The following BMPR1B variants were observed in gnomAD, a reference collection of about 807,000 sequenced individuals.
BMPR1B encodes bone morphogenetic protein receptor type-1B.
Under a neutral mutation model 59.1 loss-of-function variants are expected in BMPR1B, and 12 were observed. That is an observed-to-expected ratio of 0.20 (90% CI 0.13 to 0.33). The LOEUF is 0.33. Among genes scored for constraint, BMPR1B ranks in the 10% least tolerant of loss-of-function variants. BMPR1B has a pLI of 1.00. For missense variants in BMPR1B, 550 were observed against 610.9 expected (o/e 0.90, Z 1.05); for synonymous variants, 237 against 207.3 (o/e 1.14, Z -1.23).
chr4:94,843,290 A>G (rs6816019), intron 1 of BMPR1B, among the ~76,000 whole-genome samples: 93,330 of 152,040 alleles, frequency 0.61, 29,660 homozygotes, highest in African/African-American at 0.78. Flanking sequence ...GTTTATTATC[A>G]AAACAATTTG....
chr4:95,110,018 T>C (rs1731517585), intron 4 of BMPR1B, among the ~76,000 whole-genome samples: 1 of 151,904 alleles, frequency 6.6e-6, no homozygotes, highest in Non-Finnish European at 1.5e-5. Flanking sequence ...ATAACTCTCC[T>C]CTTGTACCTC....
chr4:95,154,895 G>A lies in BMPR1B; in HGVS notation c.*222G>A. On this transcript the variant is annotated 3_prime_UTR_variant, in exon 13 of 13. Transcript: ENST00000515059. ...TGTCTGTTTGTAGGACGGAGAAACC[G>A]CTTGGGTAACTTGTTCAAGATATGA... 7.1e-6 allele frequency: 4 copies of A among 565,890 alleles called. No homozygotes were observed. The highest frequency in any genetic ancestry group is 4.3e-5 in the South Asian group (2 of 46,960). 35.1% of individuals were successfully genotyped at this position (565,890 alleles called of 1,614,324 possible).
intron 2 of BMPR1B, among the ~76,000 whole-genome samples, chr4:94,949,308 C>CTTTT (rs1216699208): frequency 4.9e-5 from 4 of 81,932 alleles, no homozygotes; most frequent in Non-Finnish European, 5.0e-5. Flanking sequence ...TGAACTCATT[C>CTTTT]TTTTTTTTTT....
rs115029718 is a variant in BMPR1B, at chr4:94,927,568, G to T, written c.-113+51668G>T. 9.1e-3 allele frequency among the ~76,000 whole-genome samples: 1,384 copies of T among 152,232 alleles called. 18 individuals carry two copies. Among genetic ancestry groups the T allele is most frequent in the African/African-American group, 0.032 (1,314 of 41,546 alleles). ...AGAAGATGGGAGAAAAGGACATTCA[G>T]TTGGCAGAAATAGCATAGTGATGTT... On this transcript the variant is annotated intron_variant, in intron 2 of 12. Transcript: ENST00000515059.
intron 3 of BMPR1B, among the ~76,000 whole-genome samples, chr4:95,048,458 G>A (rs1450122852): frequency 6.6e-6 from 1 of 152,102 alleles, no homozygotes; most frequent in Non-Finnish European, 1.5e-5. Context: ...AGCCTTGCCA[G>A]CATTTGTGGA....
At chr4:94,993,942 T>A (rs1171275098) in intron 2 of BMPR1B, among the ~76,000 whole-genome samples, 1 of 152,166 alleles carries the variant, frequency 6.6e-6, no homozygotes, top group African/African-American at 2.4e-5. Flanking sequence ...ATAGTGATTA[T>A]ATTAAATTAT....
chr4:94,758,528 GGGCGGGGGCCCAGGGCCAGCCCA>G (rs1447939086), intron 1 of BMPR1B, among the ~76,000 whole-genome samples: 4 of 152,046 alleles, frequency 2.6e-5, no homozygotes, highest in African/African-American at 9.7e-5. Context: ...GAGCCCGGCG[GGGCGGGGGCCCAGGGCCAGCCCA>G]GGCGGGACCC....
intron 1 of BMPR1B, among the ~76,000 whole-genome samples, chr4:94,816,642 G>A (rs1270718957): frequency 6.6e-6 from 1 of 152,028 alleles, no homozygotes; most frequent in Non-Finnish European, 1.5e-5. Context: ...AATACAAAAT[G>A]AATATATGAA....
intron 3 of BMPR1B, among the ~76,000 whole-genome samples, chr4:95,049,196 C>A (rs770176828): frequency 1.3e-5 from 2 of 151,966 alleles, no homozygotes; most frequent in African/African-American, 2.4e-5. Flanking sequence ...TCACTGCAGG[C>A]TGGAACTCCT....
Position 95,123,790 on chromosome 4 carries a change from C to A in BMPR1B, c.350-20C>A. ...TAAAAATATTCTCTTGATTATGGCT[C>A]TTTTTCTTTTTAATTTCAGATTTTG... On this transcript the variant is annotated intron_variant, in intron 6 of 12. Coordinates refer to ENST00000515059, the MANE Select transcript of BMPR1B (RefSeq NM_001203.3). The A allele has an allele frequency of 6.5e-7, 1 of 1,549,140 alleles. No individual in the cohort carries two copies. The highest frequency in any genetic ancestry group is 1.1e-5 in the South Asian group (1 of 89,264).
intron 1 of BMPR1B, among the ~76,000 whole-genome samples, chr4:94,771,918 C>G (rs1379706833): frequency 6.6e-6 from 1 of 152,104 alleles, no homozygotes; most frequent in Non-Finnish European, 1.5e-5. Flanking sequence ...GAAGGAAGCA[C>G]TGTGACATAC....
intron 2 of BMPR1B, among the ~76,000 whole-genome samples, chr4:94,895,613 T>G (rs1426625987): frequency 6.6e-6 from 1 of 151,854 alleles, no homozygotes; most frequent in Non-Finnish European, 1.5e-5. Context: ...TGTGAACTTA[T>G]GACACTTCAA....
At chr4:94,834,611 A>G (rs1424039054) in intron 1 of BMPR1B, among the ~76,000 whole-genome samples, 1 of 152,102 alleles carries the variant, frequency 6.6e-6, no homozygotes, top group Non-Finnish European at 1.5e-5. Context: ...ATTCAAAGAC[A>G]TTAAACTCCT....
intron 1 of BMPR1B, among the ~76,000 whole-genome samples, chr4:94,827,285 A>C (rs1294629660): frequency 6.6e-6 from 1 of 152,168 alleles, no homozygotes; most frequent in Non-Finnish European, 1.5e-5. Context: ...ATGCCTTTTG[A>C]AAATCTCTTT....
intron 2 of BMPR1B, among the ~76,000 whole-genome samples, chr4:94,916,287 T>C (rs996240672): frequency 5.3e-5 from 8 of 152,124 alleles, no homozygotes; most frequent in Admixed American, 1.3e-4. Context: ...CAGAAGAAGA[T>C]AGGAAAATGA....
intron 1 of BMPR1B, among the ~76,000 whole-genome samples, chr4:94,799,949 C>A (rs1412113226): frequency 2.0e-5 from 3 of 152,114 alleles, no homozygotes; most frequent in Admixed American, 2.0e-4. Flanking sequence ...CGCAGCCTCC[C>A]AAAGTGGTGA....
chr4:94,997,636 A>G (rs1486265947), intron 3 of BMPR1B, among the ~76,000 whole-genome samples: 4 of 152,234 alleles, frequency 2.6e-5, no homozygotes, highest in African/African-American at 9.6e-5. Context: ...ACTTCTTCCA[A>G]TTCTGCCTAC....
At chr4:94,843,669 A>G (rs1260928779) in intron 1 of BMPR1B, among the ~76,000 whole-genome samples, 1 of 91,498 alleles carries the variant, frequency 1.1e-5, no homozygotes, top group Non-Finnish European at 2.2e-5. Context: ...ATGACAAATT[A>G]AATTTGAACT....
At chr4:95,050,053 T>C (rs1483479082) in intron 3 of BMPR1B, among the ~76,000 whole-genome samples, 1 of 152,064 alleles carries the variant, frequency 6.6e-6, no homozygotes, top group Non-Finnish European at 1.5e-5. Context: ...GCCCCAGAGC[T>C]CAAGGCTGGA....
Sources: allele counts gnomAD v4.1 joint callset (sites outside exome capture counted in the v4.1 genomes callset), GRCh38; gene constraint gnomAD v4.1.1; transcripts MANE v1.5; gene names NCBI Gene and HGNC (gene_info 2026-07-23, HGNC 2026-07-21).